Variants in LRRIQ3 observed in about 807,000 individuals in gnomAD.
LRRIQ3 encodes the protein leucine rich repeats and IQ motif containing 3, also known as leucine-rich repeat and IQ domain-containing protein 3.
LRRIQ3 carries 75 observed loss-of-function variants against 59.3 expected under a neutral mutation model. The observed-to-expected ratio is 1.26, with a 90% CI of 1.05 to 1.53. The LOEUF is 1.53. LRRIQ3 is among the 40% of genes most tolerant of loss of function. The pLI is 0.00. For synonymous variants in LRRIQ3, 250 were observed against 231.3 expected, an observed-to-expected ratio of 1.08 and a Z score of -0.73; for missense variants, 831 against 710.0, an observed-to-expected ratio of 1.17 and a Z score of -1.94.
rs749258560 is a variant in LRRIQ3 at position 74,182,873 on chromosome 1, T to C, written c.250-12A>G. ...GGTAGACTCTTTATCTGAAATATTA[T>C]TAAAAATCTTTTAAATTCCAAAATT... On this transcript the variant is annotated splice_polypyrimidine_tract_variant and intron_variant, in intron 2 of 7. Transcript: ENST00000354431. 28 of 1,353,524 alleles carry C rather than the reference T, an allele frequency of 2.1e-5. No individual in the cohort carries two copies. The East Asian group carries it at 7.0e-4, about 34-fold the overall frequency. 83.8% of individuals were successfully genotyped at this position (1,353,524 alleles called of 1,614,324 possible). A position where few individuals can be genotyped will look rare whatever the true frequency, so the allele number is the denominator to read the frequency against.
intron 6 of LRRIQ3, among the ~76,000 whole-genome samples, chr1:74,044,939 T>A (rs769653729): frequency 7.9e-5 from 12 of 152,064 alleles, no homozygotes; most frequent in Non-Finnish European, 2.9e-5. Flanking sequence ...AATAGACCAA[T>A]AACTAGTTCT....
intron 5 of LRRIQ3, among the ~76,000 whole-genome samples, chr1:74,094,688 C>A (rs1259587333): frequency 6.6e-6 from 1 of 151,984 alleles, no homozygotes; most frequent in East Asian, 1.9e-4. Flanking sequence ...CTGAGAAATG[C>A]AAATTAATCC....
rs557057153 is a variant in LRRIQ3, at chr1:74,109,484, G to A, written c.777C>T (p.Tyr259=). The A allele has an allele frequency of 1.3e-6, 2 of 1,570,042 alleles. No homozygotes were observed. Among genetic ancestry groups the A allele is most frequent in the African/African-American group, 2.8e-5 (2 of 72,696 alleles). ...IIRGYEAKWI[Y]ITKGYEDKLL... is the part of the protein sequence containing the mutation. ...GCTTATCTTCATACCCTTTGGTTAT[G>A]TAAATCCATTTTGCTTCATATCCTC... Residue 259 remains tyrosine, a synonymous_variant, in exon 5 of 8, where the codon TAC becomes TAT. Coordinates refer to ENST00000354431, the MANE Select transcript of LRRIQ3 (RefSeq NM_001105659.2).
intron 5 of LRRIQ3, among the ~76,000 whole-genome samples, chr1:74,101,471 C>G (rs1646532446): frequency 6.6e-6 from 1 of 152,104 alleles, no homozygotes; most frequent in Non-Finnish European, 1.5e-5. Context: ...GGACGGTAAA[C>G]CAGTTCAAGC....
At position 74,073,509 on chromosome 1, in the gene LRRIQ3, AAAAC is replaced by A. The variant is rs150618239; in HGVS notation, c.997+1148_997+1151del. ...TTAGGTGACAGAGTGAGACTGTCTT[AAAAC>A]AAACAAACAAACAAACAAACAAACA... On this transcript the variant is annotated intron_variant, in intron 6 of 7. Coordinates refer to ENST00000354431, the MANE Select transcript of LRRIQ3 (RefSeq NM_001105659.2). Among the ~76,000 whole-genome samples, 1,173 of 149,512 alleles carry A rather than the reference AAAAC, an allele frequency of 7.8e-3. 11 individuals are homozygous for A. The highest frequency in any genetic ancestry group is 0.017 in the African/African-American group (690 of 40,488).
chr1:74,111,108 T>A (rs550602628), intron 4 of LRRIQ3, among the ~76,000 whole-genome samples: 191 of 151,904 alleles, frequency 1.3e-3, no homozygotes, highest in African/African-American at 4.5e-3. Context: ...GTGAATACAA[T>A]CTCTAGTTTT....
intron 3 of LRRIQ3, among the ~76,000 whole-genome samples, chr1:74,174,129 T>C (rs1174212735): frequency 6.6e-6 from 1 of 152,162 alleles, no homozygotes; most frequent in Non-Finnish European, 1.5e-5. Context: ...CTGTCTCTCT[T>C]AACTTTGTAA....
intron 6 of LRRIQ3, among the ~76,000 whole-genome samples, chr1:74,046,944 G>A (rs1557591787): frequency 6.6e-6 from 1 of 152,100 alleles, no homozygotes; most frequent in East Asian, 1.9e-4. Flanking sequence ...AAAAAGTCAG[G>A]AAACAACAGA....
Position 74,067,020 on chromosome 1 carries a change from T to C in LRRIQ3, c.997+7641A>G, listed in dbSNP as rs917140304. Among the ~76,000 whole-genome samples, 3 of 152,102 alleles carry C rather than the reference T, an allele frequency of 2.0e-5. No homozygotes were observed. The South Asian group carries it at 6.2e-4, about 31-fold the overall frequency. ...TAAATTTAAGGAAAGCTAGAAAATG[T>C]AGAGAAACAAGTAGAATACTTTGTA... On this transcript the variant is annotated intron_variant, in intron 6 of 7. Transcript: ENST00000354431.
chr1:74,026,743 T>C lies in LRRIQ3; in HGVS notation c.*70A>G. ...GAGTATTTCTTGCTTTAGAGTATTATTTCAAATTCCTTCAACTAAAAATAA... is the reference window on the plus strand; with the variant it reads ...GAGTATTTCTTGCTTTAGAGTATTACTTCAAATTCCTTCAACTAAAAATAA... On this transcript the variant is annotated 3_prime_UTR_variant, in exon 8 of 8. Transcript: ENST00000354431. 1.5e-6 allele frequency: 2 copies of C among 1,295,530 alleles called. No homozygotes were observed. The highest frequency in any genetic ancestry group is 1.1e-6 in the Non-Finnish European group (1 of 931,460). The allele number at this position is 1,295,530 out of a possible 1,614,324, so 80.3% of individuals were successfully genotyped here. A position where few individuals can be genotyped will look rare whatever the true frequency, so the allele number is the denominator to read the frequency against.
chr1:74,119,724 C>T (rs997221176), intron 4 of LRRIQ3, among the ~76,000 whole-genome samples: 2 of 152,108 alleles, frequency 1.3e-5, no homozygotes, highest in African/African-American at 4.8e-5. Context: ...TCCTATCCTA[C>T]TTTGAGATTC....
At chr1:74,175,447 A>G (rs1469830180) in intron 3 of LRRIQ3, among the ~76,000 whole-genome samples, 1 of 152,176 alleles carries the variant, frequency 6.6e-6, no homozygotes, top group African/African-American at 2.4e-5. Context: ...ACACCCTGAA[A>G]TGCTGAGGAA....
chr1:74,066,429 A>T (rs1278470596), intron 6 of LRRIQ3, among the ~76,000 whole-genome samples: 2 of 152,060 alleles, frequency 1.3e-5, no homozygotes, highest in African/African-American at 4.8e-5. Flanking sequence ...TTCTCAAAAA[A>T]TATTATACAA....
chr1:74,169,176 T>C (rs1283819195), intron 3 of LRRIQ3, among the ~76,000 whole-genome samples: 1 of 152,168 alleles, frequency 6.6e-6, no homozygotes, highest in African/African-American at 2.4e-5. Flanking sequence ...ATCCGGTATT[T>C]GTCCTTCCAT....
At position 74,034,973 on chromosome 1, in the gene LRRIQ3, C is replaced by G. The variant is rs4650242; in HGVS notation, c.1718+6240G>C. ...AGCACTAGGATAAAACTGTGGCTGA[C>G]CAGTTTCAATCTAATATCAGAGAAA... is the stretch of plus-strand genomic sequence containing the variant. On this transcript the variant is annotated intron_variant, in intron 7 of 7. Transcript: ENST00000354431. Among the ~76,000 whole-genome samples the G allele has an allele frequency of 2.6e-5, 4 of 151,920 alleles. No homozygotes were observed. In the South Asian group the frequency reaches 6.2e-4, roughly 24 times the overall value.
At chr1:74,144,996 A>T (rs1254761604) in intron 4 of LRRIQ3, among the ~76,000 whole-genome samples, 1 of 152,060 alleles carries the variant, frequency 6.6e-6, no homozygotes, top group Non-Finnish European at 1.5e-5. Context: ...CCCCAGATCA[A>T]TCTTGCTTAT....
intron 1 of LRRIQ3, among the ~76,000 whole-genome samples, chr1:74,190,526 A>G (rs1207777160): frequency 6.6e-6 from 1 of 152,026 alleles, no homozygotes; most frequent in Non-Finnish European, 1.5e-5. Context: ...TGGGACTTCT[A>G]AATGTGTAAC....
In LRRIQ3 at chr1:74,111,314, G is replaced by A. The variant is rs140541944; in HGVS notation, c.708-1761C>T. On this transcript the variant is annotated intron_variant, in intron 4 of 7. Transcript: ENST00000354431. The stretch of plus-strand genomic sequence containing the variant: ...TAATAAGTAAATTGCTTTTTACATA[G>A]TCTGGTCTGGGATAATATTGCTAAG... 1.9e-4 allele frequency among the ~76,000 whole-genome samples: 29 copies of A among 152,026 alleles called. No homozygotes were observed. In the East Asian group the frequency reaches 5.6e-3, roughly 29 times the overall value.
chr1:74,164,151 G>T (rs1435846334), intron 3 of LRRIQ3, among the ~76,000 whole-genome samples: 1 of 151,086 alleles, frequency 6.6e-6, no homozygotes, highest in Non-Finnish European at 1.5e-5. Context: ...TAAGGCTTGA[G>T]AGTTGTATAC....
Sources: allele counts gnomAD v4.1 joint callset (sites outside exome capture counted in the v4.1 genomes callset), GRCh38; gene constraint gnomAD v4.1.1; transcripts MANE v1.5; gene names NCBI Gene and HGNC (gene_info 2026-07-23, HGNC 2026-07-21).